Variants in DPT observed in about 807,000 individuals in gnomAD.
DPT encodes the protein dermatopontin.
A neutral mutation model predicts 31.2 loss-of-function variants in DPT; 21 were observed. The observed-to-expected ratio is 0.67, with a 90% CI of 0.48 to 0.97. The LOEUF (loss-of-function observed/expected upper bound fraction) is 0.97. Among genes scored for constraint, DPT ranks in the 50% least tolerant of loss-of-function variants. DPT has a pLI of 0.00. For synonymous variants in DPT, 91 were observed against 86.9 expected (o/e 1.05, Z -0.26); for missense variants, 262 against 258.8 (o/e 1.01, Z -0.08).
intron 1 of DPT, among the ~76,000 whole-genome samples, chr1:168,726,475 C>T (rs769033158): frequency 5.3e-5 from 8 of 152,186 alleles, no homozygotes; most frequent in Non-Finnish European, 1.5e-5. Context: ...CTCTGTGGAG[C>T]CTTCAGAGAT....
chr1:168,708,869 CAA>C (rs1649781626), intron 2 of DPT, among the ~76,000 whole-genome samples: 1 of 152,122 alleles, frequency 6.6e-6, no homozygotes, highest in Non-Finnish European at 1.5e-5. Flanking sequence ...AACATCTGAA[CAA>C]AGAGGCTAAG....
At chr1:168,701,685 C>A (rs1229629586) in intron 2 of DPT, among the ~76,000 whole-genome samples, 1 of 152,084 alleles carries the variant, frequency 6.6e-6, no homozygotes, top group African/African-American at 2.4e-5. Flanking sequence ...ACAAAGTGTT[C>A]AAAAATTATT....
rs1445052831 is a variant in DPT at position 168,695,671 on chromosome 1, G to A, written c.*878C>T. On this transcript the variant is annotated 3_prime_UTR_variant, in exon 4 of 4. Coordinates refer to ENST00000367817, the MANE Select transcript of DPT (RefSeq NM_001937.5). ...GAGAGTTTGCCAGTAGCTCCCCAGG[G>A]TTCCAGGGTGTCTGCCAGCCTTCCT... 6.6e-6 allele frequency: 1 copy of A among 152,220 alleles called. No homozygotes were observed. Among genetic ancestry groups the A allele is most frequent in the Admixed American group, 6.5e-5 (1 of 15,272 alleles). 9.4% of individuals were successfully genotyped at this position (152,220 alleles called of 1,614,324 possible).
At chr1:168,716,977 C>T (rs1372811816) in intron 1 of DPT, among the ~76,000 whole-genome samples, 2 of 152,176 alleles carry the variant, frequency 1.3e-5, no homozygotes, top group South Asian at 2.1e-4. Flanking sequence ...GGGTTGGTTC[C>T]ATGTCTTTGT....
chr1:168,714,344 T>A lies in DPT; in HGVS notation c.308A>T (p.Tyr103Phe), dbSNP rs754398724. ...EEINRAGMEW[Y>F]QTCSNNGLVA... Reference sequence around the variant, plus strand: ...CAGCCCATTGTTGGAGCACGTCTGGTACCTGAAGAGAAGACAACCCCAGGA... The same window carrying A: ...CAGCCCATTGTTGGAGCACGTCTGGAACCTGAAGAGAAGACAACCCCAGGA... Residue 103 changes from tyrosine (Y) to phenylalanine (F), a missense_variant and splice_region_variant, in exon 2 of 4, where the codon TAC (tyrosine) becomes TTC (phenylalanine). Tyr to Phe is a conservative substitution (Grantham distance 22). Transcript: ENST00000367817. 2.5e-6 allele frequency: 4 copies of A among 1,613,970 alleles called. No homozygotes were observed. The African/African-American group carries it at 5.3e-5, about 22-fold the overall frequency.
chr1:168,723,300 A>T (rs1339800360), intron 1 of DPT, among the ~76,000 whole-genome samples: 1 of 152,256 alleles, frequency 6.6e-6, no homozygotes, highest in Non-Finnish European at 1.5e-5. Flanking sequence ...TAGCCATGCA[A>T]GGGCAACCTC....
rs1408769016 is a variant in DPT at position 168,703,291 on chromosome 1, G to GT, written c.432-2168dup. Among the ~76,000 whole-genome samples, 3 of 152,272 alleles carry GT rather than the reference G, an allele frequency of 2.0e-5. No individual in the cohort carries two copies. In the East Asian group the frequency reaches 5.8e-4, roughly 29 times the overall value. On this transcript the variant is annotated intron_variant, in intron 2 of 3. Coordinates refer to ENST00000367817, the MANE Select transcript of DPT (RefSeq NM_001937.5). Reference sequence around the variant, plus strand: ...ATGAAGCTAGATTTTTATTTTTTAAGTTTTTACTGACCACTCTGATCTGTC... The same window carrying GT: ...ATGAAGCTAGATTTTTATTTTTTAAGTTTTTTACTGACCACTCTGATCTGTC...
chr1:168,727,606 T>G (rs1389674161), intron 1 of DPT, among the ~76,000 whole-genome samples: 1 of 150,756 alleles, frequency 6.6e-6, no homozygotes, highest in Non-Finnish European at 1.5e-5. Context: ...GGTGCGAGCA[T>G]GGCTCACTGC....
Position 168,714,220 on chromosome 1 carries a change from C to T in DPT, c.431+1G>A. 1 of 1,614,082 alleles carries T rather than the reference C, an allele frequency of 6.2e-7. No homozygotes were observed. Among genetic ancestry groups the T allele is most frequent in the South Asian group, 1.1e-5 (1 of 91,070 alleles). ...AGGGTTTGGTCGGCTGCCAGACTCACCAGCAGGAATATGGGCACCTCTTGC... is the reference window on the plus strand; with the variant it reads ...AGGGTTTGGTCGGCTGCCAGACTCATCAGCAGGAATATGGGCACCTCTTGC... On this transcript the variant is annotated splice_donor_variant, in intron 2 of 3. Transcript: ENST00000367817. LOFTEE classifies it high-confidence loss of function.
At position 168,728,488 on chromosome 1, in the gene DPT, C is replaced by T. The variant is rs371580575; in HGVS notation, c.305+382G>A. Among the ~76,000 whole-genome samples, 13 of 152,160 alleles carry T rather than the reference C, an allele frequency of 8.5e-5. No individual in the cohort carries two copies. The East Asian group carries it at 1.3e-3, about 16-fold the overall frequency. The stretch of plus-strand genomic sequence containing the variant: ...TTTCTAAAAAAGAAAAATGCCATTC[C>T]GATGGCACAGAAAGTTTTAATTTCT... On this transcript the variant is annotated intron_variant, in intron 1 of 3. Coordinates refer to ENST00000367817, the MANE Select transcript of DPT (RefSeq NM_001937.5).
At position 168,696,296 on chromosome 1, in the gene DPT, A is replaced by C. The variant is rs896372588; in HGVS notation, c.*253T>G. The C allele has an allele frequency of 3.5e-6, 2 of 564,872 alleles. No homozygotes were observed. Among genetic ancestry groups the C allele is most frequent in the Non-Finnish European group, 6.2e-6 (2 of 321,920 alleles). The allele number at this position is 564,872 out of a possible 1,614,324, so 35.0% of individuals were successfully genotyped here. ...GCACTGTATATGTGGTGTGCAAGGA[A>C]GCCATCATCAGTCATATAAAGCAGT... On this transcript the variant is annotated 3_prime_UTR_variant, in exon 4 of 4. Transcript: ENST00000367817.
intron 1 of DPT, among the ~76,000 whole-genome samples, chr1:168,717,530 C>G (rs1650010170): frequency 6.6e-6 from 1 of 152,126 alleles, no homozygotes; most frequent in African/African-American, 2.4e-5. Flanking sequence ...ATGATAGTTC[C>G]TTTTGGTATG....
rs777651623 is a variant in DPT at position 168,701,110 on chromosome 1, T to C, written c.446A>G (p.Tyr149Cys). Residue 149 changes from tyrosine (Y) to cysteine (C), a missense_variant, in exon 3 of 4, where the codon TAT becomes TGT. Tyr to Cys is a radical substitution (Grantham distance 194, BLOSUM62 -2). Transcript: ENST00000367817. ...CATTTCCTCACCATAGTGACCTGGA[T>C]ATTCTGTTGTTAGCCTATGCAGGAA... Reference protein sequence around the residue: ...CPYSCWLTTEYPGHYGEEMDM... With the variant: ...CPYSCWLTTECPGHYGEEMDM... 8.7e-6 allele frequency: 14 copies of C among 1,613,054 alleles called. No individual in the cohort carries two copies. The highest frequency in any genetic ancestry group is 1.6e-4 in the Middle Eastern group (1 of 6,084).
intron 3 of DPT, among the ~76,000 whole-genome samples, chr1:168,699,546 C>A (rs1383891382): frequency 2.0e-5 from 3 of 150,290 alleles, no homozygotes; most frequent in Non-Finnish European, 4.4e-5. Flanking sequence ...TGCTGATCAG[C>A]CTGCAACATA....
In DPT at chr1:168,728,888, T is replaced by A; in HGVS notation, c.287A>T (p.Asn96Ile). 1 of 1,614,190 alleles carries A rather than the reference T, an allele frequency of 6.2e-7. No individual in the cohort carries two copies. The highest frequency in any genetic ancestry group is 8.5e-7 in the Non-Finnish European group (1 of 1,180,006). Residue 96 changes from asparagine to isoleucine, a missense_variant, in exon 1 of 4, where the codon AAC becomes ATC. By Grantham distance (149) the Asn-to-Ile change is moderately radical. Coordinates refer to ENST00000367817, the MANE Select transcript of DPT (RefSeq NM_001937.5). ...CCCTTACCATTCCATGCCAGCCCTG[T>A]TGATCTCCTCCCACCAGCACTCCGT... ...EPTECWWEEINRAGMEWYQTC... is the reference protein window; with the variant it reads ...EPTECWWEEIIRAGMEWYQTC...
intron 1 of DPT, among the ~76,000 whole-genome samples, chr1:168,719,860 T>C (rs1650063115): frequency 6.6e-6 from 1 of 152,052 alleles, no homozygotes; most frequent in African/African-American, 2.4e-5. Context: ...AACTGGAGTA[T>C]TGTTAGCCCT....
rs1358629368 is a variant in DPT, at chr1:168,728,971, A to G, written c.204T>C (p.Gly68=). ...AVRSIFSKKE[G]SDRQWNYACM... ...AGGCGTAGTTCCATTGTCTGTCAGA[A>G]CCTTCCTTCTTGCTGAAGATGCTCC... The change falls in exon 1 of 4, where the codon GGT becomes GGC. Residue 68 remains glycine, a synonymous_variant. Transcript: ENST00000367817. 5.0e-6 allele frequency: 8 copies of G among 1,613,926 alleles called. No homozygotes were observed. Among genetic ancestry groups the G allele is most frequent in the South Asian group, 2.2e-5 (2 of 91,066 alleles).
At position 168,701,100 on chromosome 1, in the gene DPT, G is replaced by A. The variant is rs755975746; in HGVS notation, c.456C>T (p.His152=). 3.6e-5 allele frequency: 58 copies of A among 1,613,594 alleles called. No homozygotes were observed. In the Admixed American group the frequency reaches 7.8e-4, roughly 22 times the overall value. ...SCWLTTEYPG[H]YGEEMDMISY... is the part of the protein sequence containing the mutation. ...AAATCATGTCCATTTCCTCACCATA[G>A]TGACCTGGATATTCTGTTGTTAGCC... The change falls in exon 3 of 4, where the codon CAC becomes CAT. Residue 152 remains histidine, a synonymous_variant. Coordinates refer to ENST00000367817, the MANE Select transcript of DPT (RefSeq NM_001937.5).
In DPT at chr1:168,696,479, T is replaced by C; in HGVS notation, c.*70A>G. 7.5e-7 allele frequency: 1 copy of C among 1,336,972 alleles called. No homozygotes were observed. The highest frequency in any genetic ancestry group is 1.0e-6 in the Non-Finnish European group (1 of 953,640). 82.8% of individuals were successfully genotyped at this position (1,336,972 alleles called of 1,614,324 possible). ...AAACTTCTATAGGAGATCCAACTGA[T>C]GTTAACATATGTGGACACCCTCCTG... On this transcript the variant is annotated 3_prime_UTR_variant, in exon 4 of 4. Transcript: ENST00000367817.
Sources: allele counts gnomAD v4.1 joint callset (sites outside exome capture counted in the v4.1 genomes callset), GRCh38; gene constraint gnomAD v4.1.1; transcripts MANE v1.5; gene names NCBI Gene and HGNC (gene_info 2026-07-23, HGNC 2026-07-21).